KDELR2: variants seen among roughly 807,000 people sequenced by gnomAD.
KDELR2 encodes KDEL endoplasmic reticulum protein retention receptor 2, also known as ER lumen protein-retaining receptor 2.
In KDELR2, 15 loss-of-function variants were observed where a neutral mutation model predicts 23.9. The observed-to-expected ratio is 0.63, with a 90% CI of 0.42 to 0.97. The LOEUF (loss-of-function observed/expected upper bound fraction) is 0.97. KDELR2 is among the 50% of genes least tolerant of loss of function. KDELR2 has a pLI of 0.00. For missense variants in KDELR2, 272 were observed against 254.6 expected, an observed-to-expected ratio of 1.07 and a Z score of -0.46; for synonymous variants, 119 against 106.2, an observed-to-expected ratio of 1.12 and a Z score of -0.74.
At chr7:6,472,021 C>T (rs1029463755) in intron 2 of KDELR2, among the ~76,000 whole-genome samples, 89 of 152,066 alleles carry the variant, frequency 5.9e-4, no homozygotes, top group African/African-American at 2.1e-3. Context: ...CTGCCTCAGC[C>T]TCCCCAGTAG....
chr7:6,474,603 C>T (rs540166192), intron 1 of KDELR2, among the ~76,000 whole-genome samples: 1 of 152,306 alleles, frequency 6.6e-6, no homozygotes, highest in East Asian at 1.9e-4. Context: ...TAAGTAGGAA[C>T]AAATTTCTCA....
intron 1 of KDELR2, among the ~76,000 whole-genome samples, chr7:6,475,046 C>T (rs1442535197): frequency 6.6e-6 from 1 of 152,162 alleles, no homozygotes; most frequent in Non-Finnish European, 1.5e-5. Flanking sequence ...AGCACCGACT[C>T]AGGTAAGAGT....
chr7:6,463,523 G>A (rs1785430456), intron 4 of KDELR2, among the ~76,000 whole-genome samples: 1 of 151,924 alleles, frequency 6.6e-6, no homozygotes, highest in African/African-American at 2.4e-5. Flanking sequence ...TTGAAGCTAG[G>A]AGTTCAAGAC....
rs551912362 is a variant in KDELR2 at position 6,481,130 on chromosome 7, T to G, written c.91+2837A>C. 5.4e-4 allele frequency among the ~76,000 whole-genome samples: 82 copies of G among 152,178 alleles called. 1 individual carries two copies. In the East Asian group the frequency reaches 0.014, roughly 25 times the overall value. On this transcript the variant is annotated intron_variant, in intron 1 of 4. Transcript: ENST00000258739. Reference sequence around the variant, plus strand: ...TTACGCCTGTAATCCCAGCACTTTGTGAGGCCGAAGCGGGCGGATCATGAG... The same window carrying G: ...TTACGCCTGTAATCCCAGCACTTTGGGAGGCCGAAGCGGGCGGATCATGAG...
chr7:6,464,283 G>A (rs138198059), intron 4 of KDELR2, among the ~76,000 whole-genome samples: 3,395 of 148,856 alleles, frequency 0.023, 61 homozygotes, highest in Middle Eastern at 0.059. Context: ...TACTTTGGGA[G>A]GCTGAGGTGT....
intron 1 of KDELR2, among the ~76,000 whole-genome samples, chr7:6,475,088 C>T (rs960982129): frequency 3.9e-5 from 6 of 152,144 alleles, no homozygotes; most frequent in Non-Finnish European, 8.8e-5. Flanking sequence ...ATAATGGCAT[C>T]GCATCCCATG....
At position 6,463,011 on chromosome 7, in the gene KDELR2, C is replaced by G; in HGVS notation, c.*130G>C. ...TCTTTTCCTCTGCGTTTTTACAGAG[C>G]CACTGATGACTATCTGCAACAAAAG... On this transcript the variant is annotated 3_prime_UTR_variant, in exon 5 of 5. Coordinates refer to ENST00000258739, the MANE Select transcript of KDELR2 (RefSeq NM_006854.4). The G allele has an allele frequency of 6.2e-7, 1 of 1,614,162 alleles. No homozygotes were observed. Among genetic ancestry groups the G allele is most frequent in the Non-Finnish European group, 8.5e-7 (1 of 1,180,022 alleles).
rs930726468 is a variant in KDELR2 at position 6,461,139 on chromosome 7, T to C, written c.*2002A>G. 3 of 152,172 alleles carry C rather than the reference T, an allele frequency of 2.0e-5. No homozygotes were observed. The highest frequency in any genetic ancestry group is 4.8e-5 in the African/African-American group (2 of 41,444). The allele number at this position is 152,172 out of a possible 1,614,324, so 9.4% of individuals were successfully genotyped here. A position where few individuals can be genotyped will look rare whatever the true frequency, so the allele number is the denominator to read the frequency against. On this transcript the variant is annotated 3_prime_UTR_variant, in exon 5 of 5. Coordinates refer to ENST00000258739, the MANE Select transcript of KDELR2 (RefSeq NM_006854.4). ...GGAAGTGAAAGTAACTGTGAAACAG[T>C]GCTTCATAAGGCGTGGCATACAAGG...
chr7:6,482,461 T>C (rs982680447), intron 1 of KDELR2: 23 of 406,350 alleles, frequency 5.7e-5, no homozygotes, highest in Middle Eastern at 7.1e-4. Flanking sequence ...ATGTATCAAC[T>C]GAGAGATAAC....
rs562697449 is a variant in KDELR2 at position 6,466,540 on chromosome 7, C to G, written c.352-217G>C. ...TCATAGAAGACAATTTTTCCACAGA[C>G]CAGCAGGGTGGATGGATGGTTTCGG... is the stretch of plus-strand genomic sequence containing the variant. On this transcript the variant is annotated intron_variant, in intron 3 of 4. Transcript: ENST00000258739. 3.1e-4 allele frequency among the ~76,000 whole-genome samples: 47 copies of G among 152,184 alleles called. No homozygotes were observed. In the Middle Eastern group the frequency reaches 0.01, roughly 33 times the overall value.
At chr7:6,471,894 G>A (rs1785652201) in intron 2 of KDELR2, among the ~76,000 whole-genome samples, 1 of 129,600 alleles carries the variant, frequency 7.7e-6, no homozygotes, top group Non-Finnish European at 1.6e-5. Flanking sequence ...TATGTTAAGT[G>A]TAAGTTTAAC....
Position 6,474,195 on chromosome 7 carries a change from T to C in KDELR2, c.181A>G (p.Thr61Ala), listed in dbSNP as rs1057215095. 1 of 1,599,560 alleles carries C rather than the reference T, an allele frequency of 6.3e-7. No homozygotes were observed. Among genetic ancestry groups the C allele is most frequent in the East Asian group, 2.2e-5 (1 of 44,828 alleles). ...LFTSFISLYN[T>A]SMKVIYLACS... is the part of the protein sequence containing the mutation. Reference sequence around the variant, plus strand: ...ATGGCATACCATACCTTCATAGATGTGTTATACAATGAAATAAATGAAGTA... The same window carrying C: ...ATGGCATACCATACCTTCATAGATGCGTTATACAATGAAATAAATGAAGTA... The change falls in exon 2 of 5, where the codon ACA (threonine) becomes GCA (alanine). Residue 61 changes from threonine to alanine, a missense_variant. By Grantham distance (58) the Thr-to-Ala change is moderately conservative. Transcript: ENST00000258739.
intron 4 of KDELR2, 75 bp downstream of exon 4, chr7:6,465,996 T>A: frequency 6.7e-7 from 1 of 1,499,210 alleles, no homozygotes; most frequent in Non-Finnish European, 9.1e-7. Context: ...AGTGCCAGAT[T>A]AGAAGAGTGC....
chr7:6,475,529 G>A (rs911216427), intron 1 of KDELR2, among the ~76,000 whole-genome samples: 1 of 152,178 alleles, frequency 6.6e-6, no homozygotes, highest in African/African-American at 2.4e-5. Context: ...AACTACAGCT[G>A]GTCTTCAAAA....
In KDELR2 at chr7:6,466,183, G is replaced by C. The variant is rs1429486234; in HGVS notation, c.492C>G (p.Val164=). 1 of 1,614,078 alleles carries C rather than the reference G, an allele frequency of 6.2e-7. No individual in the cohort carries two copies. Among genetic ancestry groups the C allele is most frequent in the Non-Finnish European group, 8.5e-7 (1 of 1,180,038 alleles). ...CAAAGTAGAAGCGCCAGATCCAGTTGACAAGATACAAAGCACGATAGAGGC... is the reference window on the plus strand; with the variant it reads ...CAAAGTAGAAGCGCCAGATCCAGTTCACAAGATACAAAGCACGATAGAGGC... The part of the protein sequence containing the change: ...FLGLYRALYL[V]NWIWRFYFEG... The change falls in exon 4 of 5, where the codon GTC becomes GTG. Residue 164 remains valine (V), a synonymous_variant. Transcript: ENST00000258739.
At chr7:6,477,442 C>T (rs1211366132) in intron 1 of KDELR2, among the ~76,000 whole-genome samples, 2 of 152,190 alleles carry the variant, frequency 1.3e-5, no homozygotes, top group Non-Finnish European at 2.9e-5. Flanking sequence ...CAGAGCAGCT[C>T]CTAGTCGGCT....
intron 1 of KDELR2, among the ~76,000 whole-genome samples, chr7:6,477,545 C>T (rs141004384): frequency 6.6e-6 from 1 of 152,330 alleles, no homozygotes; most frequent in East Asian, 1.9e-4. Context: ...AAACTGATAT[C>T]CCCTTACCAA....
In KDELR2 at chr7:6,467,527, G is replaced by A. The variant is rs575022975; in HGVS notation, c.352-1204C>T. ...TGTAATCCCAGCACTTTGGGAAGCC[G>A]AGACAGGCAGATCACCTGAGATCAG... On this transcript the variant is annotated intron_variant, in intron 3 of 4. Coordinates refer to ENST00000258739, the MANE Select transcript of KDELR2 (RefSeq NM_006854.4). 7.9e-5 allele frequency among the ~76,000 whole-genome samples: 12 copies of A among 152,194 alleles called. No homozygotes were observed. The South Asian group carries it at 1.5e-3, about 18-fold the overall frequency.
At chr7:6,468,707 G>A (rs886366403) in intron 3 of KDELR2, among the ~76,000 whole-genome samples, 3 of 151,436 alleles carry the variant, frequency 2.0e-5, no homozygotes, top group Non-Finnish European at 2.9e-5. Flanking sequence ...GGGTTTCACC[G>A]TGTTAGCTGG....
Sources: gnomAD v4.1 joint callset for allele counts (sites outside exome capture counted in the v4.1 genomes callset) on GRCh38, gnomAD v4.1.1 for gene constraint, MANE v1.5 for transcripts, NCBI Gene and HGNC (gene_info 2026-07-23, HGNC 2026-07-21) for gene names.